RYR3: variants seen among roughly 807,000 people sequenced by gnomAD.
The protein encoded by RYR3 is ryanodine receptor 3.
A neutral mutation model predicts 584.3 loss-of-function variants in RYR3; 207 were observed. The observed-to-expected ratio is 0.35, with a 90% confidence interval of 0.32 to 0.40. RYR3 has a LOEUF of 0.40. RYR3 is among the 10% of genes least tolerant of loss of function. RYR3 has a pLI of 1.00. For synonymous variants in RYR3, 2,416 were observed against 2,248.5 expected (o/e 1.07, Z -2.11); for missense variants, 5,616 against 6,089.2 (o/e 0.92, Z 2.59).
chr15:33,364,485 G>A (rs1032675334), intron 1 of RYR3, among the ~76,000 whole-genome samples: 1 of 152,144 alleles, frequency 6.6e-6, no homozygotes, highest in Non-Finnish European at 1.5e-5. Context: ...TCCAGATCAT[G>A]GTATTTGCTA....
chr15:33,837,517 G>A, intron 88 of RYR3, 114 bp from the exon 89 acceptor site: 2 of 1,153,670 alleles, frequency 1.7e-6, no homozygotes, highest in South Asian at 3.3e-5. Flanking sequence ...ATCACGGTCA[G>A]AGAAGAGCTG....
chr15:33,584,250 A>G (rs1352818467), intron 14 of RYR3, 145 bp from the exon 15 acceptor site: 3 of 532,486 alleles, frequency 5.6e-6, no homozygotes, highest in African/African-American at 2.0e-5. Flanking sequence ...AAAAGAAAGA[A>G]TTGTGTCAAA....
chr15:33,368,338 CTT>C (rs35491164), intron 1 of RYR3, among the ~76,000 whole-genome samples: 38 of 85,844 alleles, frequency 4.4e-4, no homozygotes, highest in African/African-American at 1.1e-3. Flanking sequence ...GCCTTCCTGT[CTT>C]TTTTTTTTTT....
intron 2 of RYR3, among the ~76,000 whole-genome samples, chr15:33,498,270 T>C (rs1190591627): frequency 6.6e-6 from 1 of 152,220 alleles, no homozygotes; most frequent in Non-Finnish European, 1.5e-5. Context: ...CATACTGTTT[T>C]GCATAATAGC....
At chr15:33,857,536 A>G (rs1031213457) in intron 98 of RYR3, among the ~76,000 whole-genome samples, 1 of 151,972 alleles carries the variant, frequency 6.6e-6, no homozygotes, top group African/African-American at 2.4e-5. Context: ...AAGGGACACA[A>G]TTCAGCCCCC....
chr15:33,314,943 A>C (rs1967934254), intron 1 of RYR3, among the ~76,000 whole-genome samples: 1 of 104,740 alleles, frequency 9.5e-6, no homozygotes, highest in African/African-American at 4.7e-5. Flanking sequence ...AAAAAAAACC[A>C]AAAAAAAACA....
chr15:33,840,780 C>G (rs758928699), intron 89 of RYR3, 45 bp from the exon 90 acceptor site: 3 of 1,590,292 alleles, frequency 1.9e-6, no homozygotes, highest in East Asian at 4.5e-5. Flanking sequence ...TCATCATGAC[C>G]TCGCTTCTTT....
chr15:33,816,684 T>C (rs2076829695), intron 74 of RYR3, among the ~76,000 whole-genome samples, 178 bp from the exon 75 acceptor site: 1 of 152,222 alleles, frequency 6.6e-6, no homozygotes, highest in African/African-American at 2.4e-5. Flanking sequence ...AGACTCGTCA[T>C]GGTAGAGGGT....
intron 2 of RYR3, among the ~76,000 whole-genome samples, chr15:33,482,088 C>T (rs2050026417): frequency 6.6e-6 from 1 of 152,042 alleles, no homozygotes; most frequent in African/African-American, 2.4e-5. Context: ...TTTCCTTCAA[C>T]CTGAAGGATA....
chr15:33,773,761 A>G, intron 64 of RYR3, 146 bp downstream of exon 64: 1 of 657,456 alleles, frequency 1.5e-6, no homozygotes, highest in Non-Finnish European at 2.7e-6. Flanking sequence ...TGTTTATGAC[A>G]TGCTTTTGGC....
At chr15:33,833,176 A>T (rs1378946771) in intron 86 of RYR3, among the ~76,000 whole-genome samples, 1 of 152,196 alleles carries the variant, frequency 6.6e-6, no homozygotes, top group Non-Finnish European at 1.5e-5. Context: ...CATCTTGCTG[A>T]GACAGAAGAC....
chr15:33,460,647 T>A (rs1357599121), intron 1 of RYR3, among the ~76,000 whole-genome samples: 1 of 152,208 alleles, frequency 6.6e-6, no homozygotes, highest in African/African-American at 2.4e-5. Context: ...CATTAAGGAA[T>A]AATTAACAAA....
At chr15:33,354,769 C>T (rs1033590007) in intron 1 of RYR3, among the ~76,000 whole-genome samples, 1 of 152,164 alleles carries the variant, frequency 6.6e-6, no homozygotes, top group Non-Finnish European at 1.5e-5. Flanking sequence ...CCGTGATGCT[C>T]AATTTCCTTA....
At chr15:33,710,061 G>T (rs1448817587) in intron 43 of RYR3, among the ~76,000 whole-genome samples, 2 of 152,172 alleles carry the variant, frequency 1.3e-5, no homozygotes, top group African/African-American at 2.4e-5. Flanking sequence ...AGATACATTT[G>T]AAAGAAATTA....
intron 1 of RYR3, among the ~76,000 whole-genome samples, chr15:33,314,941 C>A (rs4041478): frequency 0.17 from 16,525 of 95,804 alleles, 1,469 homozygotes; most frequent in African/African-American, 0.28. Context: ...AAAAAAAAAA[C>A]CAAAAAAAAA....
At chr15:33,704,198 C>T (rs961594455) in intron 42 of RYR3, among the ~76,000 whole-genome samples, 9 of 150,508 alleles carry the variant, frequency 6.0e-5, no homozygotes, top group Admixed American at 2.0e-4. Flanking sequence ...TGTTTGATCC[C>T]GGGAGGCAGA....
At chr15:33,701,433 C>A (rs1481695783) in intron 42 of RYR3, among the ~76,000 whole-genome samples, 2 of 152,172 alleles carry the variant, frequency 1.3e-5, no homozygotes, top group African/African-American at 4.8e-5. Flanking sequence ...AGAGACATGG[C>A]AGAATACTGT....
chr15:33,555,495 A>G (rs2057009256), intron 10 of RYR3, among the ~76,000 whole-genome samples: 1 of 152,212 alleles, frequency 6.6e-6, no homozygotes, highest in East Asian at 1.9e-4. Flanking sequence ...TCTAGTGTTT[A>G]TTGTTCAAAG....
chr15:33,664,187 C>T (rs1317202445), intron 36 of RYR3, among the ~76,000 whole-genome samples: 1 of 152,190 alleles, frequency 6.6e-6, no homozygotes, highest in African/African-American at 2.4e-5. Context: ...TGCGTCTAAA[C>T]CCCCTTGCCG....
Sources: allele counts gnomAD v4.1 joint callset (sites outside exome capture counted in the v4.1 genomes callset), GRCh38; gene constraint gnomAD v4.1.1; transcripts MANE v1.5; gene names NCBI Gene and HGNC (gene_info 2026-07-23, HGNC 2026-07-21).